The following RBFOX1 variants were observed in gnomAD, a reference collection of about 807,000 sequenced individuals.
RBFOX1 encodes RNA binding fox-1 homolog 1.
Under a neutral mutation model 57.7 loss-of-function variants are expected in RBFOX1, and 8 were observed. The observed-to-expected ratio is 0.14, with a 90% CI of 0.08 to 0.25. RBFOX1 has a LOEUF of 0.25. RBFOX1 is among the 10% of genes least tolerant of loss of function. The pLI, the probability that RBFOX1 is intolerant of heterozygous loss-of-function variation, is 1.00. For missense variants in RBFOX1, 611 were observed against 548.5 expected, an observed-to-expected ratio of 1.11 and a Z score of -1.14; for synonymous variants, 326 against 222.4, an observed-to-expected ratio of 1.47 and a Z score of -4.15.
At chr16:6,505,004 C>T (rs1166494192) in intron 2 of RBFOX1, among the ~76,000 whole-genome samples, 1 of 152,080 alleles carries the variant, frequency 6.6e-6, no homozygotes, top group African/African-American at 2.4e-5. Flanking sequence ...ACCCAGGAGG[C>T]AGAGGTTGCA....
At chr16:7,414,128 A>G (rs2098456768) in intron 4 of RBFOX1, among the ~76,000 whole-genome samples, 2 of 152,252 alleles carry the variant, frequency 1.3e-5, no homozygotes, top group African/African-American at 4.8e-5. Flanking sequence ...CAAGGGGTCT[A>G]CAGACAATCC....
chr16:6,562,860 CTTTCTTTCTTTCTTTCTTTCTT>C (rs2097198851), intron 2 of RBFOX1, among the ~76,000 whole-genome samples: 3 of 49,026 alleles, frequency 6.1e-5, no homozygotes, highest in Admixed American at 4.0e-4. Flanking sequence ...TTCTTTCTTT[CTTTCTTTCTTTCTTTCTTTCTT>C]TTTTTTTTTT....
At chr16:7,539,742 C>T (rs566870009) in intron 5 of RBFOX1, among the ~76,000 whole-genome samples, 2 of 152,166 alleles carry the variant, frequency 1.3e-5, no homozygotes, top group Non-Finnish European at 2.9e-5. Context: ...TAGCACTGGG[C>T]TTCCTGCTTC....
intron 3 of RBFOX1, among the ~76,000 whole-genome samples, chr16:6,765,499 C>G (rs1003530770): frequency 2.0e-5 from 3 of 151,566 alleles, no homozygotes; most frequent in Non-Finnish European, 1.5e-5. Context: ...TATAACAAAC[C>G]TGCACATGTA....
At chr16:7,262,048 T>A (rs978067522) in intron 4 of RBFOX1, among the ~76,000 whole-genome samples, 7 of 152,222 alleles carry the variant, frequency 4.6e-5, no homozygotes, top group Non-Finnish European at 8.8e-5. Context: ...GGAAAAGCAA[T>A]TATGTACCTT....
rs746498068 is a variant in RBFOX1, at chr16:6,866,336, C to A, written c.-15-185721C>A. ...GCTATGATGAAACAAGGAAATAGAT[C>A]ACTTCTTACAGTGTAATAATGGAAC... is the stretch of plus-strand genomic sequence containing the variant. On this transcript the variant is annotated intron_variant, in intron 3 of 15. Transcript: ENST00000550418. Among the ~76,000 whole-genome samples the A allele has an allele frequency of 9.5e-4, 144 of 151,856 alleles. 1 individual carries two copies. Among genetic ancestry groups the A allele is most frequent in the Non-Finnish European group, 1.5e-3 (105 of 67,966 alleles).
At chr16:7,504,757 ATATATATATATATT>A (rs2072498460) in intron 4 of RBFOX1, among the ~76,000 whole-genome samples, 3 of 9,390 alleles carry the variant, frequency 3.2e-4, no homozygotes, top group Admixed American at 1.2e-3. Context: ...ATATATATTT[ATATATATATATATT>A]TATATATATA....
rs149920330 is a variant in RBFOX1, at chr16:6,159,569, A to G, written c.-127+139577A>G. On this transcript the variant is annotated intron_variant, in intron 1 of 15. Coordinates refer to ENST00000550418, the MANE Select transcript of RBFOX1 (RefSeq NM_018723.4). ...GTCTGCCCTAAATGGAGAACCCAAT[A>G]AAGACTTGTTGAATGGAGGAAAGTT... Among the ~76,000 whole-genome samples the G allele has an allele frequency of 2.8e-3, 427 of 152,318 alleles. 1 individual carries two copies. Among genetic ancestry groups the G allele is most frequent in the African/African-American group, 1.0e-2 (414 of 41,582 alleles).
intron 2 of RBFOX1, among the ~76,000 whole-genome samples, chr16:5,592,405 A>AGAT (rs2047038119): frequency 6.6e-6 from 1 of 151,344 alleles, no homozygotes; most frequent in South Asian, 2.1e-4. Flanking sequence ...TACCACTCTG[A>AGAT]GATTATAAAA....
At chr16:6,285,969 G>A (rs978901678) in intron 1 of RBFOX1, among the ~76,000 whole-genome samples, 8 of 152,138 alleles carry the variant, frequency 5.3e-5, no homozygotes, top group African/African-American at 7.2e-5. Context: ...TCGGCGGAGC[G>A]TTATTTAGTT....
intron 4 of RBFOX1, among the ~76,000 whole-genome samples, chr16:7,052,730 T>C (rs1479466780): frequency 6.6e-6 from 1 of 152,218 alleles, no homozygotes; most frequent in Non-Finnish European, 1.5e-5. Context: ...GGTGACATTG[T>C]TCTGCTTTCA....
chr16:5,425,972 GGAGA>G (rs2067547253), intron 1 of RBFOX1, among the ~76,000 whole-genome samples: 1 of 152,200 alleles, frequency 6.6e-6, no homozygotes, highest in Admixed American at 6.5e-5. Context: ...ACCCCTGGAA[GGAGA>G]GAGTGTGCAG....
At chr16:5,797,612 G>T (rs1420542834) in intron 3 of RBFOX1, among the ~76,000 whole-genome samples, 1 of 152,162 alleles carries the variant, frequency 6.6e-6, no homozygotes. Context: ...ATCCAGTTAA[G>T]TGTTATTTGC....
chr16:6,562,116 G>T (rs2097186980), intron 2 of RBFOX1, among the ~76,000 whole-genome samples: 1 of 152,220 alleles, frequency 6.6e-6, no homozygotes, highest in South Asian at 2.1e-4. Context: ...TGCATGGGTA[G>T]AGAATTAGAC....
At chr16:7,348,248 C>G (rs574343505) in intron 4 of RBFOX1, among the ~76,000 whole-genome samples, 91 of 152,278 alleles carry the variant, frequency 6.0e-4, no homozygotes, top group Non-Finnish European at 1.2e-3. Flanking sequence ...TACTACAAAC[C>G]ACTCTTTATG....
At chr16:7,449,728 G>C (rs1336346291) in intron 4 of RBFOX1, among the ~76,000 whole-genome samples, 2 of 69,592 alleles carry the variant, frequency 2.9e-5, no homozygotes, top group Non-Finnish European at 6.0e-5. Flanking sequence ...GTGTGTGTGT[G>C]TGGGGGGGGG....
At chr16:6,662,134 G>T (rs980329952) in intron 3 of RBFOX1, among the ~76,000 whole-genome samples, 70 of 81,412 alleles carry the variant, frequency 8.6e-4, no homozygotes, top group Non-Finnish European at 1.4e-3. Context: ...GCTGGGGGCG[G>T]GGTGAAAAAA....
rs146257774 is a variant in RBFOX1 at position 6,447,852 on chromosome 16, C to T, written c.-64+130795C>T. On this transcript the variant is annotated intron_variant, in intron 2 of 15. Transcript: ENST00000550418. ...TTATTAATTTAAGGAAGGGGAAAGA[C>T]AGCCGTCCAATCGGAGTGAACCTGT... Among the ~76,000 whole-genome samples the T allele has an allele frequency of 6.1e-3, 922 of 152,238 alleles. 6 individuals carry two copies. Among genetic ancestry groups the T allele is most frequent in the African/African-American group, 0.02 (832 of 41,538 alleles).
chr16:7,520,525 T>G (rs2077306064), intron 5 of RBFOX1, among the ~76,000 whole-genome samples: 1 of 152,230 alleles, frequency 6.6e-6, no homozygotes, highest in Non-Finnish European at 1.5e-5. Flanking sequence ...CTAGGTTCAT[T>G]CATGTGGAGT....
Sources: gnomAD v4.1 joint callset for allele counts (sites outside exome capture counted in the v4.1 genomes callset) on GRCh38, gnomAD v4.1.1 for gene constraint, MANE v1.5 for transcripts, NCBI Gene and HGNC (gene_info 2026-07-23, HGNC 2026-07-21) for gene names.